MACROD2: variants seen among roughly 807,000 people sequenced by gnomAD.
MACROD2 encodes the protein mono-ADP ribosylhydrolase 2.
A neutral mutation model predicts 70.4 loss-of-function variants in MACROD2; 36 were observed. The ratio of observed to expected loss-of-function variants is 0.51; its 90% CI spans 0.39 to 0.68. The LOEUF (loss-of-function observed/expected upper bound fraction) is 0.68, where lower values mean the gene tolerates loss of function less well. Ranked by LOEUF, MACROD2 falls within the 30% of genes least tolerant of loss-of-function variation. The pLI is 0.00. For synonymous variants in MACROD2, 172 were observed against 178.8 expected (o/e 0.96, Z 0.30); for missense variants, 496 against 538.4 (o/e 0.92, Z 0.78).
At chr20:15,527,348 T>C (rs2047735747) in intron 8 of MACROD2, among the ~76,000 whole-genome samples, 1 of 152,240 alleles carries the variant, frequency 6.6e-6, no homozygotes, top group South Asian at 2.1e-4. Context: ...CAACATAATG[T>C]AATCTTATGA....
At chr20:15,663,479 GC>G (rs1465716508) in intron 8 of MACROD2, among the ~76,000 whole-genome samples, 4 of 151,916 alleles carry the variant, frequency 2.6e-5, no homozygotes, top group Admixed American at 2.6e-4. Context: ...AAAGTGATCT[GC>G]CCACCTCGGC....
At chr20:15,474,797 G>A (rs141233333) in intron 7 of MACROD2, among the ~76,000 whole-genome samples, 1 of 152,214 alleles carries the variant, frequency 6.6e-6, no homozygotes, top group Non-Finnish European at 1.5e-5. Context: ...CACAGACCTT[G>A]GCAGCTGACC....
chr20:15,826,169 A>G (rs1568582878), intron 8 of MACROD2, among the ~76,000 whole-genome samples: 1 of 152,234 alleles, frequency 6.6e-6, no homozygotes, highest in African/African-American at 2.4e-5. Context: ...ATTTAAAGAA[A>G]TATTCCGATA....
chr20:15,032,048 G>A (rs1420257279), intron 5 of MACROD2, among the ~76,000 whole-genome samples: 7 of 152,206 alleles, frequency 4.6e-5, no homozygotes. Flanking sequence ...TCATGTCAGC[G>A]CTGCCTCAAG....
chr20:14,747,747 G>C (rs2071818262), intron 5 of MACROD2, among the ~76,000 whole-genome samples: 1 of 151,626 alleles, frequency 6.6e-6, no homozygotes, highest in African/African-American at 2.4e-5. Context: ...AGACAAAAAA[G>C]GGATCTCAAT....
At chr20:15,151,601 G>A (rs1223012629) in intron 5 of MACROD2, among the ~76,000 whole-genome samples, 1 of 152,014 alleles carries the variant, frequency 6.6e-6, no homozygotes, top group African/African-American at 2.4e-5. Flanking sequence ...ACCTTTTAGG[G>A]TCTAGGGCTG....
chr20:15,523,373 G>T (rs1403871202), intron 8 of MACROD2, among the ~76,000 whole-genome samples: 1 of 152,190 alleles, frequency 6.6e-6, no homozygotes, highest in Non-Finnish European at 1.5e-5. Context: ...GAAATTTTAT[G>T]CTGTAATCTG....
In MACROD2 at chr20:14,722,791, G is replaced by C. The variant is rs116837333; in HGVS notation, c.418+37832G>C. Among the ~76,000 whole-genome samples the C allele has an allele frequency of 5.3e-5, 8 of 152,166 alleles. No individual in the cohort carries two copies. The East Asian group carries it at 1.5e-3, about 29-fold the overall frequency. On this transcript the variant is annotated intron_variant, in intron 5 of 17. Transcript: ENST00000684519. ...TTAAACAAAAAACAAAAACAAAAAGGTATTGTCTCTGCTTCTTAGTAGCAC... is the reference window on the plus strand; with the variant it reads ...TTAAACAAAAAACAAAAACAAAAAGCTATTGTCTCTGCTTCTTAGTAGCAC...
intron 8 of MACROD2, among the ~76,000 whole-genome samples, chr20:15,686,293 G>A (rs550110181): frequency 2.0e-5 from 3 of 152,222 alleles, no homozygotes; most frequent in East Asian, 1.9e-4. Context: ...TGTAAAAGAA[G>A]GAACATGAGG....
intron 3 of MACROD2, among the ~76,000 whole-genome samples, chr20:14,275,254 A>G (rs1483697875): frequency 1.3e-5 from 2 of 152,150 alleles, no homozygotes; most frequent in East Asian, 1.9e-4. Flanking sequence ...CAGTAACCCA[A>G]ACGGCATGGT....
intron 3 of MACROD2, among the ~76,000 whole-genome samples, chr20:14,091,306 A>G (rs1039806620): frequency 3.9e-5 from 6 of 152,064 alleles, no homozygotes; most frequent in African/African-American, 1.4e-4. Context: ...TACAGTAGAG[A>G]GTATGGTTAC....
intron 8 of MACROD2, among the ~76,000 whole-genome samples, chr20:15,791,862 T>C (rs2063627823): frequency 1.3e-5 from 2 of 152,062 alleles, no homozygotes; most frequent in African/African-American, 2.4e-5. Context: ...CTCAGTTTAG[T>C]AAGCTGCAAA....
At chr20:14,956,770 G>A (rs1043486174) in intron 5 of MACROD2, among the ~76,000 whole-genome samples, 1 of 152,138 alleles carries the variant, frequency 6.6e-6, no homozygotes, top group Non-Finnish European at 1.5e-5. Flanking sequence ...GAGGACAAGC[G>A]TAACTTCACA....
chr20:14,228,917 G>T (rs1434483005), intron 3 of MACROD2, among the ~76,000 whole-genome samples: 1 of 147,982 alleles, frequency 6.8e-6, no homozygotes, highest in Admixed American at 6.9e-5. Context: ...TGAGGCACAA[G>T]AATTGCTTGA....
chr20:15,505,721 T>C (rs1219421018), intron 8 of MACROD2, among the ~76,000 whole-genome samples: 2 of 152,160 alleles, frequency 1.3e-5, no homozygotes. Context: ...TTGAAGGCCT[T>C]TGGCTAGGTC....
intron 5 of MACROD2, among the ~76,000 whole-genome samples, chr20:14,918,772 T>C (rs2074126444): frequency 6.6e-6 from 1 of 152,180 alleles, no homozygotes; most frequent in Admixed American, 6.5e-5. Context: ...TAGATTTAGA[T>C]CATGTTTCCA....
chr20:16,025,618 C>T (rs915642530), intron 15 of MACROD2, among the ~76,000 whole-genome samples: 8 of 151,326 alleles, frequency 5.3e-5, no homozygotes, highest in African/African-American at 1.5e-4. Context: ...CTGGGGATGG[C>T]GGGTTGGGGG....
intron 5 of MACROD2, among the ~76,000 whole-genome samples, chr20:15,182,150 T>G (rs2076505265): frequency 6.6e-6 from 1 of 152,188 alleles, no homozygotes; most frequent in Non-Finnish European, 1.5e-5. Flanking sequence ...CATCCAATTT[T>G]TATTGCTTCT....
In MACROD2 at chr20:15,204,910, A is replaced by G. The variant is rs534346482; in HGVS notation, c.419-25030A>G. On this transcript the variant is annotated intron_variant, in intron 5 of 17. Coordinates refer to ENST00000684519, the MANE Select transcript of MACROD2 (RefSeq NM_001351661.2). ...ATGACTAAAGGACCACCAGCAATTG[A>G]GTTGCCAAACACCCTATCATTTGCA... 4.6e-5 allele frequency among the ~76,000 whole-genome samples: 7 copies of G among 152,272 alleles called. No individual in the cohort carries two copies. The East Asian group carries it at 9.7e-4, about 21-fold the overall frequency.
Sources: gnomAD v4.1 joint callset for allele counts (sites outside exome capture counted in the v4.1 genomes callset) on GRCh38, gnomAD v4.1.1 for gene constraint, MANE v1.5 for transcripts, NCBI Gene and HGNC (gene_info 2026-07-23, HGNC 2026-07-21) for gene names.